CHST8: variants seen among roughly 807,000 people sequenced by gnomAD.
CHST8 encodes the protein GALNAC-4-ST1.
CHST8 carries 10 observed loss-of-function variants against 15.0 expected under a neutral mutation model. That is an observed-to-expected ratio of 0.67 (90% CI 0.41 to 1.13). The LOEUF is 1.13. CHST8 is among the 50% of genes most tolerant of loss of function. The pLI, the probability that CHST8 is intolerant of heterozygous loss-of-function variation, is 0.00. For synonymous variants in CHST8, 259 were observed against 256.6 expected (o/e 1.01, Z -0.09); for missense variants, 634 against 608.2 (o/e 1.04, Z -0.45).
chr19:33,706,045 C>G (rs1196479908), intron 3 of CHST8, among the ~76,000 whole-genome samples: 1 of 152,176 alleles, frequency 6.6e-6, no homozygotes, highest in Non-Finnish European at 1.5e-5. Context: ...CACAGAGAGG[C>G]AAAGTCACTT....
chr19:33,737,087 G>C (rs542415871), intron 3 of CHST8, among the ~76,000 whole-genome samples: 20 of 152,108 alleles, frequency 1.3e-4, no homozygotes, highest in African/African-American at 3.9e-4. Context: ...TTTAAAAAGG[G>C]GAGGGACCCT....
At chr19:33,708,138 T>A (rs1379013971) in intron 3 of CHST8, among the ~76,000 whole-genome samples, 1 of 152,258 alleles carries the variant, frequency 6.6e-6, no homozygotes, top group Non-Finnish European at 1.5e-5. Flanking sequence ...ATTTTCTAGA[T>A]ATAAGTATTA....
chr19:33,759,598 C>T (rs1272947291), intron 3 of CHST8, among the ~76,000 whole-genome samples: 1 of 152,186 alleles, frequency 6.6e-6, no homozygotes, highest in Non-Finnish European at 1.5e-5. Flanking sequence ...GCACGTCTGC[C>T]CCCCGCACCT....
At chr19:33,707,632 T>C (rs1041744237) in intron 3 of CHST8, among the ~76,000 whole-genome samples, 14 of 152,240 alleles carry the variant, frequency 9.2e-5, no homozygotes, top group African/African-American at 3.4e-4. Context: ...TTCTATTACA[T>C]GGAATTGCGG....
In CHST8 at chr19:33,772,166, G is replaced by A. The variant is rs1222096518; in HGVS notation, c.378G>A (p.Pro126=). The A allele has an allele frequency of 1.9e-6, 3 of 1,601,138 alleles. No homozygotes were observed. Among genetic ancestry groups the A allele is most frequent in the African/African-American group, 2.7e-5 (2 of 74,656 alleles). Residue 126 remains proline, a synonymous_variant, in exon 5 of 5, where the codon CCG becomes CCA. Transcript: ENST00000650847. Reference sequence around the variant, plus strand: ...AAATGCCAGCTGCGGCGACCATCCCGGCCAACAGCTCGGACGCGCCCTTCA... The same window carrying A: ...AAATGCCAGCTGCGGCGACCATCCCAGCCAACAGCTCGGACGCGCCCTTCA... ...IKKMPAAATI[P]ANSSDAPFIR... is the part of the protein sequence containing the mutation.
intron 3 of CHST8, among the ~76,000 whole-genome samples, chr19:33,767,071 G>A (rs1302650531): frequency 6.6e-6 from 1 of 151,036 alleles, no homozygotes; most frequent in Non-Finnish European, 1.5e-5. Context: ...GGGAGTGGCG[G>A]GACACTAGCA....
intron 3 of CHST8, among the ~76,000 whole-genome samples, chr19:33,762,732 T>C (rs1974760942): frequency 1.3e-5 from 2 of 151,576 alleles, no homozygotes; most frequent in South Asian, 2.1e-4. Context: ...ATTTGTGGAT[T>C]TGCAAGATGC....
At chr19:33,707,798 A>C (rs963877852) in intron 3 of CHST8, among the ~76,000 whole-genome samples, 1 of 152,228 alleles carries the variant, frequency 6.6e-6, no homozygotes, top group Non-Finnish European at 1.5e-5. Flanking sequence ...AGGTTGTAAT[A>C]GTAAATTTAC....
chr19:33,635,730 G>A (rs1972186948), intron 1 of CHST8, among the ~76,000 whole-genome samples: 1 of 152,162 alleles, frequency 6.6e-6, no homozygotes, highest in Admixed American at 6.5e-5. Flanking sequence ...CACCACACAA[G>A]GGCATAAGGC....
intron 3 of CHST8, among the ~76,000 whole-genome samples, chr19:33,741,664 C>T (rs1974196640): frequency 6.6e-6 from 1 of 151,638 alleles, no homozygotes; most frequent in Admixed American, 6.6e-5. Flanking sequence ...ATGGTGATGA[C>T]TACTCCTGCA....
chr19:33,635,131 C>T (rs1004964439), intron 1 of CHST8, among the ~76,000 whole-genome samples: 29 of 152,194 alleles, frequency 1.9e-4, no homozygotes, highest in South Asian at 4.1e-4. Flanking sequence ...CTGCACCATG[C>T]GGCCCCCTGA....
At position 33,689,321 on chromosome 19, in the gene CHST8, C is replaced by T. The variant is rs201331905; in HGVS notation, c.60C>T (p.Phe20=). ...GCATGTTCTCTTCCATCCTGCTGTT[C>T]GGAGCTGCAGGCCTCCTCCTCTTCA... is the stretch of plus-strand genomic sequence containing the variant. ...LACMFSSILL[F]GAAGLLLFIS... is the part of the protein sequence containing the mutation. Residue 20 remains phenylalanine, a synonymous_variant, in exon 3 of 5, where the codon TTC becomes TTT. Transcript: ENST00000650847. 2.7e-5 allele frequency: 43 copies of T among 1,609,748 alleles called. No homozygotes were observed. Among genetic ancestry groups the T allele is most frequent in the East Asian group, 1.1e-4 (5 of 44,548 alleles).
intron 1 of CHST8, among the ~76,000 whole-genome samples, chr19:33,645,986 G>C: frequency 6.6e-6 from 1 of 152,034 alleles, no homozygotes; most frequent in East Asian, 1.9e-4. Flanking sequence ...AAATTAGCTG[G>C]GCATGCTGGT....
At chr19:33,727,688 T>C (rs1973927049) in intron 3 of CHST8, among the ~76,000 whole-genome samples, 1 of 152,210 alleles carries the variant, frequency 6.6e-6, no homozygotes, top group South Asian at 2.1e-4. Flanking sequence ...ATGTTAAATA[T>C]TTGCGGTTTT....
intron 1 of CHST8, among the ~76,000 whole-genome samples, chr19:33,650,314 T>C (rs1972418885): frequency 6.6e-6 from 1 of 151,972 alleles, no homozygotes; most frequent in African/African-American, 2.4e-5. Flanking sequence ...GGACTTAGGA[T>C]TTTCTTTTTA....
At chr19:33,680,481 A>G (rs1024383414) in intron 2 of CHST8, among the ~76,000 whole-genome samples, 1 of 152,228 alleles carries the variant, frequency 6.6e-6, no homozygotes, top group South Asian at 2.1e-4. Flanking sequence ...TTCATTATCC[A>G]TGGATCACGT....
At chr19:33,638,368 G>A (rs536365246) in intron 1 of CHST8, among the ~76,000 whole-genome samples, 25 of 152,290 alleles carry the variant, frequency 1.6e-4, no homozygotes, top group African/African-American at 6.0e-4. Context: ...ACCGCTGTCA[G>A]CACAAAGCCT....
At chr19:33,659,190 CGAGTAGCTGG>C (rs954144939) in intron 1 of CHST8, among the ~76,000 whole-genome samples, 1 of 151,472 alleles carries the variant, frequency 6.6e-6, no homozygotes, top group Non-Finnish European at 1.5e-5. Flanking sequence ...CTCAGCCTCC[CGAGTAGCTGG>C]GATTACAGGC....
intron 3 of CHST8, among the ~76,000 whole-genome samples, chr19:33,727,812 C>T (rs1973929263): frequency 6.6e-6 from 1 of 152,264 alleles, no homozygotes; most frequent in South Asian, 2.1e-4. Flanking sequence ...CCAGGCCAGC[C>T]TCTGTGTGGC....
Sources: allele counts gnomAD v4.1 joint callset (sites outside exome capture counted in the v4.1 genomes callset), GRCh38; gene constraint gnomAD v4.1.1; transcripts MANE v1.5; gene names NCBI Gene and HGNC (gene_info 2026-07-23, HGNC 2026-07-21).